GHR: variants seen among roughly 807,000 people sequenced by gnomAD.
GHR encodes GH receptor.
In GHR, 35 loss-of-function variants were observed where a neutral mutation model predicts 67.1. The observed-to-expected ratio is 0.52, with a 90% confidence interval of 0.40 to 0.69. The LOEUF is 0.69. GHR is among the 30% of genes least tolerant of loss of function. The probability of loss-of-function intolerance (pLI) is 0.00; values close to 1 mark genes in which losing one functional copy is unlikely to be tolerated. For synonymous variants in GHR, 272 were observed against 269.1 expected, an observed-to-expected ratio of 1.01 and a Z score of -0.10; for missense variants, 792 against 764.6, an observed-to-expected ratio of 1.04 and a Z score of -0.42.
At chr5:42,649,744 G>A (rs956065391) in intron 3 of GHR, among the ~76,000 whole-genome samples, 5 of 152,094 alleles carry the variant, frequency 3.3e-5, no homozygotes, top group South Asian at 4.1e-4. Context: ...ATGATTTATC[G>A]GAACTAGTTA....
At chr5:42,656,952 G>T (rs540066488) in intron 3 of GHR, among the ~76,000 whole-genome samples, 5 of 151,900 alleles carry the variant, frequency 3.3e-5, no homozygotes, top group African/African-American at 1.2e-4. Context: ...CTTTTTTTCT[G>T]GTTTCTTATA....
At chr5:42,542,802 A>T (rs1219689305) in intron 1 of GHR, among the ~76,000 whole-genome samples, 2 of 151,818 alleles carry the variant, frequency 1.3e-5, no homozygotes, top group African/African-American at 4.8e-5. Context: ...CCCCCTCCTC[A>T]GTCTCCAGTG....
At chr5:42,656,548 T>C (rs1250548602) in intron 3 of GHR, among the ~76,000 whole-genome samples, 1 of 152,122 alleles carries the variant, frequency 6.6e-6, no homozygotes, top group African/African-American at 2.4e-5. Context: ...TTATGCTGCC[T>C]CTGATGGCCA....
chr5:42,441,018 C>T (rs917804127), intron 1 of GHR, among the ~76,000 whole-genome samples: 1 of 152,060 alleles, frequency 6.6e-6, no homozygotes, highest in African/African-American at 2.4e-5. Flanking sequence ...GTCTTGAGTC[C>T]TGGATCAGAG....
chr5:42,645,326 T>G (rs1163849598), intron 3 of GHR, among the ~76,000 whole-genome samples: 3 of 152,214 alleles, frequency 2.0e-5, no homozygotes, highest in Non-Finnish European at 4.4e-5. Flanking sequence ...ATCAAATATT[T>G]CTTAGAGCTG....
chr5:42,716,750 A>G (rs1272466861), intron 8 of GHR, among the ~76,000 whole-genome samples: 1 of 152,214 alleles, frequency 6.6e-6, no homozygotes, highest in Non-Finnish European at 1.5e-5. Context: ...GAGGCTACTT[A>G]ATGCAATTTA....
chr5:42,459,757 T>C (rs1317461243), intron 1 of GHR, among the ~76,000 whole-genome samples: 1 of 152,164 alleles, frequency 6.6e-6, no homozygotes, highest in Non-Finnish European at 1.5e-5. Context: ...GGGCTTGAGA[T>C]TTGATAAATA....
chr5:42,572,587 T>C (rs1750389802), intron 2 of GHR, among the ~76,000 whole-genome samples: 1 of 152,198 alleles, frequency 6.6e-6, no homozygotes, highest in East Asian at 1.9e-4. Context: ...GCCTTGGGGC[T>C]TAGAGCACTT....
intron 3 of GHR, among the ~76,000 whole-genome samples, chr5:42,663,787 A>G (rs1337582345): frequency 6.6e-6 from 1 of 152,204 alleles, no homozygotes; most frequent in Non-Finnish European, 1.5e-5. Flanking sequence ...TTCAATTAGG[A>G]AAAGAGGAAG....
chr5:42,470,977 T>C (rs1300451917), intron 1 of GHR, among the ~76,000 whole-genome samples: 1 of 152,210 alleles, frequency 6.6e-6, no homozygotes, highest in Admixed American at 6.5e-5. Flanking sequence ...TTCATTATAC[T>C]GGACATTTTG....
chr5:42,602,793 C>G (rs931353311), intron 2 of GHR, among the ~76,000 whole-genome samples: 1 of 152,246 alleles, frequency 6.6e-6, no homozygotes, highest in Non-Finnish European at 1.5e-5. Flanking sequence ...CTCTTCTCCC[C>G]CATTATATGC....
intron 1 of GHR, among the ~76,000 whole-genome samples, chr5:42,432,648 T>C (rs1743144595): frequency 6.6e-6 from 1 of 152,112 alleles, no homozygotes; most frequent in Non-Finnish European, 1.5e-5. Context: ...AGATAGAGCC[T>C]CTGCAGTGGC....
chr5:42,590,182 A>G (rs115519797), intron 2 of GHR, among the ~76,000 whole-genome samples: 139 of 152,352 alleles, frequency 9.1e-4, no homozygotes, highest in African/African-American at 3.2e-3. Flanking sequence ...GCAAGTACAT[A>G]TATGAATATG....
At chr5:42,499,176 T>C (rs1226446980) in intron 1 of GHR, among the ~76,000 whole-genome samples, 1 of 152,092 alleles carries the variant, frequency 6.6e-6, no homozygotes, top group Non-Finnish European at 1.5e-5. Flanking sequence ...AGCAGGTGTC[T>C]CTGTAGATCA....
chr5:42,437,755 C>T (rs1350265631), intron 1 of GHR, among the ~76,000 whole-genome samples: 1 of 151,260 alleles, frequency 6.6e-6, no homozygotes, highest in Non-Finnish European at 1.5e-5. Context: ...AGGGTTTAGC[C>T]AGGTTGCCCA....
intron 1 of GHR, chr5:42,549,798 C>T (rs1328843706): frequency 3.4e-6 from 1 of 297,566 alleles, no homozygotes; most frequent in Non-Finnish European, 5.0e-6. Flanking sequence ...TTAAGAAAAT[C>T]ACTGTGGTGT....
At chr5:42,443,459 G>C (rs1743668140) in intron 1 of GHR, among the ~76,000 whole-genome samples, 1 of 152,104 alleles carries the variant, frequency 6.6e-6, no homozygotes, top group African/African-American at 2.4e-5. Context: ...CATCCCCTCT[G>C]TTGCCCTTGT....
intron 2 of GHR, among the ~76,000 whole-genome samples, chr5:42,592,220 C>A (rs1751820711): frequency 6.6e-6 from 1 of 152,118 alleles, no homozygotes; most frequent in Non-Finnish European, 1.5e-5. Context: ...GCTAGTTCTG[C>A]CCCTATCTGC....
At position 42,424,483 on chromosome 5, in the gene GHR, G is replaced by A; in HGVS notation, c.-12+528G>A. ...ACTGGGGAGGTCGAGCTGTGCGCGT[G>A]GACACAGCGCGCAGAGCGCGCGGTC... On this transcript the variant is annotated intron_variant, in intron 1 of 9. Coordinates refer to ENST00000230882, the MANE Select transcript of GHR (RefSeq NM_000163.5). This position sits in a 1 kb window ranked among gnomAD's most constrained non-coding sequence, Gnocchi z 4.1. 1.1e-6 allele frequency: 1 copy of A among 938,998 alleles called. No homozygotes were observed. The highest frequency in any genetic ancestry group is 1.4e-5 in the South Asian group (1 of 71,878). 58.2% of individuals were successfully genotyped at this position (938,998 alleles called of 1,614,324 possible).
Sources: gnomAD v4.1 joint callset for allele counts (sites outside exome capture counted in the v4.1 genomes callset) on GRCh38, gnomAD v4.1.1 for gene constraint, Gnocchi (gnomAD v3.1) non-coding constraint, MANE v1.5 for transcripts, NCBI Gene and HGNC (gene_info 2026-07-23, HGNC 2026-07-21) for gene names.